ANKS3: variants seen among roughly 807,000 people sequenced by gnomAD.
ANKS3 encodes the protein ankyrin repeat and SAM domain-containing protein 3.
Under a neutral mutation model 80.7 loss-of-function variants are expected in ANKS3, and 62 were observed. The ratio of observed to expected loss-of-function variants is 0.77; its 90% confidence interval spans 0.63 to 0.95. The LOEUF (loss-of-function observed/expected upper bound fraction) is 0.95, where lower values mean the gene tolerates loss of function less well. Ranked by LOEUF, ANKS3 falls within the 40% of genes least tolerant of loss-of-function variation. The pLI, the probability that ANKS3 is intolerant of heterozygous loss-of-function variation, is 0.00. For missense variants in ANKS3, 1,150 were observed against 883.6 expected, an observed-to-expected ratio of 1.30 and a Z score of -3.82; for synonymous variants, 489 against 355.3, an observed-to-expected ratio of 1.38 and a Z score of -4.23.
chr16:4,720,431 C>T (rs2081030418), intron 6 of ANKS3, among the ~76,000 whole-genome samples: 1 of 149,504 alleles, frequency 6.7e-6, no homozygotes, highest in African/African-American at 2.4e-5. Context: ...CACTGCACTC[C>T]AGCCTGGGTG....
At chr16:4,731,774 G>A (rs1387914426) in intron 1 of ANKS3, among the ~76,000 whole-genome samples, 195 bp from the exon 2 acceptor site, 2 of 152,254 alleles carry the variant, frequency 1.3e-5, no homozygotes, top group African/African-American at 4.8e-5. Flanking sequence ...GAGAGCTATG[G>A]GGGGAAATAT....
intron 6 of ANKS3, among the ~76,000 whole-genome samples, chr16:4,723,010 T>C (rs1026930454): frequency 1.3e-5 from 2 of 151,954 alleles, no homozygotes; most frequent in East Asian, 1.9e-4. Context: ...ACCCGCCAGA[T>C]TGACAAAAGG....
rs140061868 is a variant in ANKS3, at chr16:4,702,838, A to T, written c.869-596T>A. ...AATTTCACTCCAGTTTTGCCCCTTT[A>T]CATAAAAAGACTGACTTGACCAGTC... On this transcript the variant is annotated intron_variant, in intron 8 of 17. Coordinates refer to ENST00000304283, the MANE Select transcript of ANKS3 (RefSeq NM_133450.4). 3.9e-3 allele frequency among the ~76,000 whole-genome samples: 590 copies of T among 152,270 alleles called. 3 individuals carry two copies. The highest frequency in any genetic ancestry group is 0.013 in the African/African-American group (559 of 41,558).
intron 8 of ANKS3, among the ~76,000 whole-genome samples, chr16:4,702,945 G>A (rs2079996220): frequency 6.6e-6 from 1 of 152,178 alleles, no homozygotes; most frequent in South Asian, 2.1e-4. Context: ...GGAGCCTTCA[G>A]TGAGCTATGA....
chr16:4,732,000 A>C (rs1031381929), intron 1 of ANKS3, among the ~76,000 whole-genome samples: 5 of 152,206 alleles, frequency 3.3e-5, no homozygotes, highest in Admixed American at 3.3e-4. Flanking sequence ...GGTAGTTAAT[A>C]GATGCGATGA....
rs556840530 is a variant in ANKS3 at position 4,701,010 on chromosome 16, G to A, written c.1244C>T (p.Ser415Phe). 1.9e-5 allele frequency: 30 copies of A among 1,613,926 alleles called. No individual in the cohort carries two copies. The highest frequency in any genetic ancestry group is 2.4e-5 in the Non-Finnish European group (28 of 1,180,004). Residue 415 changes from serine to phenylalanine, a missense_variant, in exon 11 of 18, where the codon TCC becomes TTC. Physicochemically the swap from Ser to Phe is radical, Grantham distance 155. Transcript: ENST00000304283. ...GGGGGCCCTCTGAGTCTGGGGGCTG[G>A]ACTCAGCGAGAAAGCCTTCCCTGTC... ...ATDREGFLAESSPQTQRAPYS... is the reference protein window; with the variant it reads ...ATDREGFLAEFSPQTQRAPYS...
chr16:4,723,705 G>C (rs1014201708), intron 6 of ANKS3, among the ~76,000 whole-genome samples: 1 of 152,220 alleles, frequency 6.6e-6, no homozygotes, highest in African/African-American at 2.4e-5. Context: ...TTCCTCAGTA[G>C]ATGGACTTGT....
At chr16:4,727,232 A>G in intron 3 of ANKS3, 55 bp from the exon 4 acceptor site, 1 of 1,584,150 alleles carries the variant, frequency 6.3e-7, no homozygotes, top group South Asian at 1.1e-5. Flanking sequence ...TGTGGGGTTC[A>G]CCAAAGCTGG....
Position 4,727,090 on chromosome 16 carries a change from G to A in ANKS3, c.258C>T (p.His86=), listed in dbSNP as rs2081393912. 2 of 1,614,216 alleles carry A rather than the reference G, an allele frequency of 1.2e-6. No homozygotes were observed. The highest frequency in any genetic ancestry group is 1.3e-5 in the African/African-American group (1 of 75,070). The part of the protein sequence containing the change: ...ASYIGHDTIV[H]LLLEAGVSVN... ...CACTCACCCCCGCCTCAAGCAGCAG[G>A]TGCACGATTGTGTCGTGGCCAATGT... Residue 86 remains histidine (H), a synonymous_variant, in exon 4 of 18, where the codon CAC becomes CAT. Coordinates refer to ENST00000304283, the MANE Select transcript of ANKS3 (RefSeq NM_133450.4).
rs371559330 is a variant in ANKS3, at chr16:4,697,022, C to G, written c.*6G>C. 1.9e-6 allele frequency: 3 copies of G among 1,611,946 alleles called. No individual in the cohort carries two copies. The highest frequency in any genetic ancestry group is 1.7e-4 in the Middle Eastern group (1 of 6,014). ...CCAGGCTGGCAGACACTCACCGGCC[C>G]GCAGGCTAGGTCTCCCGCCACTTCT... On this transcript the variant is annotated 3_prime_UTR_variant, in exon 17 of 18. Coordinates refer to ENST00000304283, the MANE Select transcript of ANKS3 (RefSeq NM_133450.4).
At chr16:4,699,568 C>T (rs1202331239) in intron 11 of ANKS3, 2 of 230,322 alleles carry the variant, frequency 8.7e-6, no homozygotes, top group South Asian at 6.7e-5. Context: ...AGCTCTTCTC[C>T]GAGTTCACCT....
rs2079755949 is a variant in ANKS3 at position 4,699,084 on chromosome 16, G to A, written c.1377C>T (p.Leu459=). 6.2e-7 allele frequency: 1 copy of A among 1,614,180 alleles called. No homozygotes were observed. Among genetic ancestry groups the A allele is most frequent in the Non-Finnish European group, 8.5e-7 (1 of 1,180,034 alleles). Residue 459 remains leucine, a synonymous_variant, in exon 12 of 18, where the codon CTC becomes CTT. Coordinates refer to ENST00000304283, the MANE Select transcript of ANKS3 (RefSeq NM_133450.4). The stretch of plus-strand genomic sequence containing the variant: ...CAATTTCCTTCAGGTCGCTCTCAGT[G>A]AGGGTCAGAAAGATGCGGAGGTCCA... ...QDVDLRIFLT[L]TESDLKEIGI...
At chr16:4,730,348 G>A (rs934083923) in intron 2 of ANKS3, 197 bp from the exon 3 acceptor site, 3 of 432,968 alleles carry the variant, frequency 6.9e-6, no homozygotes, top group Non-Finnish European at 3.9e-6. Flanking sequence ...TAAATCTGGT[G>A]AGCCTGCTAT....
At position 4,727,030 on chromosome 16, in the gene ANKS3, C is replaced by T. The variant is rs1461600966; in HGVS notation, c.318G>A (p.Leu106=). ...NVPTPEGQTP[L]MLASSCGNES... is the part of the protein sequence containing the mutation. ...CGTTGCCACAGCTGGAGGCCAGCAT[C>T]AGTGGAGTCTGCCCTTCTGGGGTCG... Residue 106 remains leucine (L), a synonymous_variant, in exon 4 of 18, where the codon CTG becomes CTA. Coordinates refer to ENST00000304283, the MANE Select transcript of ANKS3 (RefSeq NM_133450.4). 1 of 1,614,168 alleles carries T rather than the reference C, an allele frequency of 6.2e-7. No individual in the cohort carries two copies. The highest frequency in any genetic ancestry group is 1.1e-5 in the South Asian group (1 of 91,080).
At chr16:4,705,486 A>G (rs909209802) in intron 7 of ANKS3, among the ~76,000 whole-genome samples, 1 of 152,174 alleles carries the variant, frequency 6.6e-6, no homozygotes, top group African/African-American at 2.4e-5. Context: ...CTTGAGACAG[A>G]GTCTCACTCT....
Position 4,714,990 on chromosome 16 carries a change from C to CAAAAAAAAAAAAAA in ANKS3, c.574-818_574-805dup, listed in dbSNP as rs753327026. On this transcript the variant is annotated intron_variant, in intron 6 of 17. Transcript: ENST00000304283. ...CTGAAGACAGAGTGAGACTCTGTCT[C>CAAAAAAAAAAAAAA]AAAAAAAAAAAAAAAAAAAAAAAAA... Among the ~76,000 whole-genome samples the CAAAAAAAAAAAAAA allele has an allele frequency of 2.5e-4, 9 of 36,626 alleles. 2 individuals carry two copies. Among genetic ancestry groups the CAAAAAAAAAAAAAA allele is most frequent in the African/African-American group, 1.2e-3 (8 of 6,698 alleles). 24.0% of individuals were successfully genotyped at this position (36,626 alleles called of 152,430 possible). A position where few individuals can be genotyped will look rare whatever the true frequency, so the allele number is the denominator to read the frequency against.
At position 4,730,122 on chromosome 16, in the gene ANKS3, C is replaced by T. The variant is rs1234787138; in HGVS notation, c.28G>A (p.Glu10Lys). 8 of 1,584,636 alleles carry T rather than the reference C, an allele frequency of 5.0e-6. No individual in the cohort carries two copies. The highest frequency in any genetic ancestry group is 4.7e-5 in the East Asian group (2 of 42,988). The part of the protein sequence containing the change: MSELSDEAS[E>K]PELLNRSLSM... ...AAGCTGCGGTTCAGGAGTTCCGGCT[C>T]GCTGGCTTCATCGCTGAGCTCGGAC... Residue 10 changes from glutamate to lysine, a missense_variant, in exon 3 of 18, where the codon GAG becomes AAG. Transcript: ENST00000304283.
intron 6 of ANKS3, among the ~76,000 whole-genome samples, chr16:4,721,787 G>A (rs952037888): frequency 6.6e-6 from 1 of 150,926 alleles, no homozygotes; most frequent in Non-Finnish European, 1.5e-5. Flanking sequence ...TACAGCGTCA[G>A]CCACCTGTAT....
intron 3 of ANKS3, chr16:4,729,773 T>C: frequency 4.7e-6 from 2 of 427,748 alleles, no homozygotes. Context: ...GATCAAAGTT[T>C]ACTCCCTCTT....
Sources: gnomAD v4.1 joint callset for allele counts (sites outside exome capture counted in the v4.1 genomes callset) on GRCh38, gnomAD v4.1.1 for gene constraint, MANE v1.5 for transcripts, NCBI Gene and HGNC (gene_info 2026-07-23, HGNC 2026-07-21) for gene names.